Variants in WDR3 observed in about 807,000 individuals in gnomAD.
WDR3 encodes the protein WD repeat-containing protein 3.
WDR3 carries 81 observed loss-of-function variants against 123.7 expected under a neutral mutation model. That is an observed-to-expected ratio of 0.65 (90% CI 0.55 to 0.79). The LOEUF (loss-of-function observed/expected upper bound fraction) is 0.79, where lower values mean the gene tolerates loss of function less well. WDR3 is among the 30% of genes least tolerant of loss of function. WDR3 has a pLI of 0.00. For synonymous variants in WDR3, 390 were observed against 388.8 expected, an observed-to-expected ratio of 1.00 and a Z score of -0.04; for missense variants, 1,027 against 1,123.2, an observed-to-expected ratio of 0.91 and a Z score of 1.22.
intron 25 of WDR3, among the ~76,000 whole-genome samples, chr1:117,958,040 C>G (rs954528131): frequency 1.3e-5 from 2 of 152,178 alleles, no homozygotes; most frequent in African/African-American, 4.8e-5. Context: ...CTTCTCATCT[C>G]TCACCCTCAT....
chr1:117,942,113 GA>G (rs1425150422), intron 9 of WDR3, among the ~76,000 whole-genome samples: 3 of 152,138 alleles, frequency 2.0e-5, no homozygotes, highest in Admixed American at 2.0e-4. Flanking sequence ...AAAAAGTCCT[GA>G]AATTAGAAAA....
intron 14 of WDR3, 56 bp from the exon 15 acceptor site, chr1:117,949,939 A>C: frequency 6.2e-7 from 1 of 1,611,560 alleles, no homozygotes; most frequent in Non-Finnish European, 8.5e-7. Flanking sequence ...AAGAGTTAGG[A>C]TTTGTCTGAA....
At chr1:117,936,268 T>C (rs924206265) in intron 3 of WDR3, among the ~76,000 whole-genome samples, 2 of 152,074 alleles carry the variant, frequency 1.3e-5, no homozygotes, top group Non-Finnish European at 2.9e-5. Context: ...GAGCTTTTCA[T>C]TTTAGTTTTT....
rs1484069406 is a variant in WDR3, at chr1:117,957,189, C to T, written c.2575C>T (p.Leu859Phe). Residue 859 changes from leucine (L) to phenylalanine (F), a missense_variant, in exon 25 of 27, where the codon CTC (leucine) becomes TTC (phenylalanine). Physicochemically the swap from Leu to Phe is conservative, Grantham distance 22. Transcript: ENST00000349139. ...ACTTATATGCCGGTGCCTCTTCTTC[C>T]TCCTTAGGTAACATCCTTTTCCAAA... ...VELICRCLFFLLRIHFGQITS... is the reference protein window; with the variant it reads ...VELICRCLFFFLRIHFGQITS... The T allele has an allele frequency of 4.3e-6, 7 of 1,610,878 alleles. No individual in the cohort carries two copies. The African/African-American group carries it at 6.7e-5, about 15-fold the overall frequency.
intron 1 of WDR3, among the ~76,000 whole-genome samples, chr1:117,932,357 C>G (rs1650760691): frequency 6.6e-6 from 1 of 152,220 alleles, no homozygotes; most frequent in Admixed American, 6.5e-5. Flanking sequence ...AGCAGCATCA[C>G]TTGGAAACTT....
rs528845203 is a variant in WDR3 at position 117,960,345 on chromosome 1, C to T, written c.*898C>T. 18 of 152,092 alleles carry T rather than the reference C, an allele frequency of 1.2e-4. No homozygotes were observed. The highest frequency in any genetic ancestry group is 1.5e-4 in the Non-Finnish European group (10 of 68,010). 9.4% of individuals were successfully genotyped at this position (152,092 alleles called of 1,614,324 possible). On this transcript the variant is annotated 3_prime_UTR_variant, in exon 27 of 27. Coordinates refer to ENST00000349139, the MANE Select transcript of WDR3 (RefSeq NM_006784.3). ...TATTATATATATTGTATACTGTATT[C>T]TTAAAGTAAGCTAGAGAAAAGAAAA... is the stretch of plus-strand genomic sequence containing the variant.
rs1281734232 is a variant in WDR3, at chr1:117,938,480, T to A, written c.501T>A (p.Ser167Arg). ...FLREKNLLVTSGKDTMVKWWD... is the reference protein window; with the variant it reads ...FLREKNLLVTRGKDTMVKWWD... ...ATTTTTTTCCTGTTTCTTCTTTTAG[T>A]GGGAAAGATACCATGGTGAAATGGT... The change falls in exon 5 of 27, where the codon AGT becomes AGA. Residue 167 changes from serine (S) to arginine (R), a missense_variant and splice_region_variant. Physicochemically the swap from Ser to Arg is moderately radical, Grantham distance 110. Coordinates refer to ENST00000349139, the MANE Select transcript of WDR3 (RefSeq NM_006784.3). 1 of 1,611,966 alleles carries A rather than the reference T, an allele frequency of 6.2e-7. No homozygotes were observed. Among genetic ancestry groups the A allele is most frequent in the Non-Finnish European group, 8.5e-7 (1 of 1,178,842 alleles).
intron 1 of WDR3, among the ~76,000 whole-genome samples, chr1:117,931,456 G>T (rs1242670151): frequency 6.6e-6 from 1 of 152,206 alleles, no homozygotes; most frequent in Non-Finnish European, 1.5e-5. Context: ...TGGGAAAATT[G>T]TGTCTTAGTG....
chr1:117,941,039 C>G, intron 7 of WDR3, 85 bp from the exon 8 acceptor site: 1 of 1,580,688 alleles, frequency 6.3e-7, no homozygotes, highest in South Asian at 1.1e-5. Flanking sequence ...ATATTTTTGT[C>G]ACTTGCACTT....
rs1653816239 is a variant in WDR3, at chr1:117,966,162, T to G, written c.*6715T>G. 1 of 152,958 alleles carries G rather than the reference T, an allele frequency of 6.5e-6. No homozygotes were observed. The highest frequency in any genetic ancestry group is 6.5e-5 in the Admixed American group (1 of 15,364). The allele number at this position is 152,958 out of a possible 1,614,324, so 9.5% of individuals were successfully genotyped here. On this transcript the variant is annotated 3_prime_UTR_variant, in exon 27 of 27. Coordinates refer to ENST00000349139, the MANE Select transcript of WDR3 (RefSeq NM_006784.3). ...CCATTTTTATATATGATAAACTATT[T>G]TATACAGTACCTTGGAGGTAATAGG...
At chr1:117,954,482 C>T in intron 22 of WDR3, 98 bp from the exon 23 acceptor site, 1 of 1,258,898 alleles carries the variant, frequency 7.9e-7, no homozygotes, top group Non-Finnish European at 1.1e-6. Context: ...TCTTTTTTCC[C>T]TTTTCAAAAT....
chr1:117,952,224 CTATT>C, intron 17 of WDR3, 69 bp from the exon 18 acceptor site: 1 of 1,467,362 alleles, frequency 6.8e-7, no homozygotes, highest in East Asian at 2.3e-5. Flanking sequence ...TAGTCAAAAG[CTATT>C]TATGTGTGTA....
In WDR3 at chr1:117,964,222, C is replaced by T. The variant is rs1653505040; in HGVS notation, c.*4775C>T. ...ATGGTCAAGCCCCAAACCATATCTACATCAGATTTCATGCTTTTTTTTTTT... is the reference window on the plus strand; with the variant it reads ...ATGGTCAAGCCCCAAACCATATCTATATCAGATTTCATGCTTTTTTTTTTT... On this transcript the variant is annotated 3_prime_UTR_variant, in exon 27 of 27. Transcript: ENST00000349139. 1 of 207,954 alleles carries T rather than the reference C, an allele frequency of 4.8e-6. No homozygotes were observed. The highest frequency in any genetic ancestry group is 9.6e-6 in the Non-Finnish European group (1 of 104,310). The allele number at this position is 207,954 out of a possible 1,614,324, so 12.9% of individuals were successfully genotyped here. A position where few individuals can be genotyped will look rare whatever the true frequency, so the allele number is the denominator to read the frequency against.
In WDR3 at chr1:117,940,839, G is replaced by A; in HGVS notation, c.688G>A (p.Glu230Lys). ...IAYLQEIEDP[E>K]EPDPKKIKGS... ...TTTTATAAAACAGATTGAAGACCCG[G>A]AAGAACCAGACCCCAAGAAAATCAA... is the stretch of plus-strand genomic sequence containing the variant. The change falls in exon 7 of 27, where the codon GAA becomes AAA. Residue 230 changes from glutamate (E) to lysine (K), a missense_variant. Glu to Lys is a moderately conservative substitution (Grantham distance 56). Transcript: ENST00000349139. 1 of 1,611,852 alleles carries A rather than the reference G, an allele frequency of 6.2e-7. No individual in the cohort carries two copies. The highest frequency in any genetic ancestry group is 8.5e-7 in the Non-Finnish European group (1 of 1,179,434).
At position 117,951,005 on chromosome 1, in the gene WDR3, A is replaced by G. The variant is rs1320965174; in HGVS notation, c.1803+115A>G. On this transcript the variant is annotated intron_variant, in intron 16 of 26. Coordinates refer to ENST00000349139, the MANE Select transcript of WDR3 (RefSeq NM_006784.3). ...TATTTGTTTTTATCATCATTCTGTT[A>G]TATATCTTTCTCCAAAAACAGTCTC... 9.1e-6 allele frequency: 7 copies of G among 766,326 alleles called. No individual in the cohort carries two copies. The South Asian group carries it at 9.9e-5, about 11-fold the overall frequency. The allele number at this position is 766,326 out of a possible 1,614,324, so 47.5% of individuals were successfully genotyped here. A position where few individuals can be genotyped will look rare whatever the true frequency, so the allele number is the denominator to read the frequency against.
Position 117,943,435 on chromosome 1 carries a change from G to A in WDR3, c.1137G>A (p.Lys379=), listed in dbSNP as rs780758103. 1 of 1,614,092 alleles carries A rather than the reference G, an allele frequency of 6.2e-7. No homozygotes were observed. Among genetic ancestry groups the A allele is most frequent in the South Asian group, 1.1e-5 (1 of 91,068 alleles). ...DLIHSPHGEL[K]AVFLLQNNLV... Reference sequence around the variant, plus strand: ...TTCATTCACCTCACGGAGAGTTAAAGGCTGTCTTCCTGCTGCAGAACAACC... The same window carrying A: ...TTCATTCACCTCACGGAGAGTTAAAAGCTGTCTTCCTGCTGCAGAACAACC... Residue 379 remains lysine (K), a synonymous_variant, in exon 11 of 27, where the codon AAG becomes AAA. Transcript: ENST00000349139.
chr1:117,941,988 C>G, intron 9 of WDR3, 141 bp downstream of exon 9: 1 of 1,325,554 alleles, frequency 7.5e-7, no homozygotes, highest in Non-Finnish European at 9.8e-7. Context: ...ATCGATAACC[C>G]AAATTTGTCA....
intron 21 of WDR3, 139 bp from the exon 22 acceptor site, chr1:117,953,868 T>C: frequency 1.4e-6 from 1 of 710,992 alleles, no homozygotes; most frequent in Non-Finnish European, 2.3e-6. Context: ...AAATGCTTTT[T>C]GGCACTCTAT....
intron 13 of WDR3, among the ~76,000 whole-genome samples, chr1:117,949,363 A>G (rs1421237906): frequency 2.6e-5 from 4 of 152,172 alleles, no homozygotes; most frequent in Non-Finnish European, 5.9e-5. Context: ...CAGCTTCAAA[A>G]CTATTTTAAG....
Sources: gnomAD v4.1 joint callset for allele counts (sites outside exome capture counted in the v4.1 genomes callset) on GRCh38, gnomAD v4.1.1 for gene constraint, MANE v1.5 for transcripts, NCBI Gene and HGNC (gene_info 2026-07-23, HGNC 2026-07-21) for gene names.